The following BBS9 variants were observed in gnomAD, a reference collection of about 807,000 sequenced individuals.
The protein encoded by BBS9 is protein PTHB1.
Under a neutral mutation model 117.7 loss-of-function variants are expected in BBS9, and 89 were observed. The observed-to-expected ratio is 0.76, with a 90% confidence interval of 0.64 to 0.90. The LOEUF is 0.90. Among genes scored for constraint, BBS9 ranks in the 40% least tolerant of loss-of-function variants. The pLI is 0.00. For synonymous variants in BBS9, 379 were observed against 370.9 expected, an observed-to-expected ratio of 1.02 and a Z score of -0.25; for missense variants, 982 against 1,042.2, an observed-to-expected ratio of 0.94 and a Z score of 0.80.
intron 9 of BBS9, among the ~76,000 whole-genome samples, chr7:33,332,014 A>G (rs1433175620): frequency 6.6e-6 from 1 of 152,170 alleles, no homozygotes; most frequent in Non-Finnish European, 1.5e-5. Flanking sequence ...AAGCAAAAAG[A>G]ACAAATCTAG....
rs553199903 is a variant in BBS9 at position 33,139,192 on chromosome 7, C to T, written c.-11-7050C>T. On this transcript the variant is annotated intron_variant, in intron 1 of 22. Transcript: ENST00000242067. ...GCTTGAACCCAGGAAGTGGAGGTTG[C>T]GGTGAGCTGAGATTGTGCCATTGCA... Among the ~76,000 whole-genome samples the T allele has an allele frequency of 1.4e-3, 206 of 151,222 alleles. 2 individuals carry two copies. Among genetic ancestry groups the T allele is most frequent in the African/African-American group, 4.6e-3 (191 of 41,518 alleles).
At chr7:33,153,775 CT>C (rs1793703405) in intron 3 of BBS9, among the ~76,000 whole-genome samples, 1 of 152,140 alleles carries the variant, frequency 6.6e-6, no homozygotes, top group Non-Finnish European at 1.5e-5. Context: ...TGAGATGAGA[CT>C]TTTATGCTTT....
At chr7:33,618,882 GAA>G (rs904807822) in intron 21 of BBS9, among the ~76,000 whole-genome samples, 4 of 151,772 alleles carry the variant, frequency 2.6e-5, no homozygotes, top group African/African-American at 9.7e-5. Context: ...ACACAAAAGA[GAA>G]AGAGAAAGAA....
chr7:33,506,726 A>G (rs1005811578), intron 20 of BBS9, among the ~76,000 whole-genome samples: 1 of 152,158 alleles, frequency 6.6e-6, no homozygotes, highest in Admixed American at 6.5e-5. Context: ...TTTTTTTTAA[A>G]AAAGAAGCTA....
chr7:33,273,701 T>A, intron 8 of BBS9, 126 bp from the exon 9 acceptor site: 3 of 847,228 alleles, frequency 3.5e-6, no homozygotes, highest in Non-Finnish European at 5.5e-6. Context: ...TGTTTTATTA[T>A]GTAAAATCTT....
At chr7:33,405,509 C>T (rs1307156550) in intron 19 of BBS9, among the ~76,000 whole-genome samples, 5 of 152,138 alleles carry the variant, frequency 3.3e-5, no homozygotes, top group Admixed American at 1.3e-4. Context: ...TTGATTATTG[C>T]CACAATTTCA....
At chr7:33,165,211 T>C (rs185252127) in intron 4 of BBS9, among the ~76,000 whole-genome samples, 167 of 152,362 alleles carry the variant, frequency 1.1e-3, no homozygotes, top group African/African-American at 3.9e-3. Flanking sequence ...GTTAGTCTGA[T>C]GGGCTTCCCT....
chr7:33,242,367 C>T (rs1794675576), intron 5 of BBS9, among the ~76,000 whole-genome samples: 1 of 152,028 alleles, frequency 6.6e-6, no homozygotes, highest in Non-Finnish European at 1.5e-5. Context: ...TGAGGATCTA[C>T]TAGATTCTCC....
chr7:33,628,624 A>G (rs773191347), intron 21 of BBS9, among the ~76,000 whole-genome samples: 1 of 152,206 alleles, frequency 6.6e-6, no homozygotes, highest in Non-Finnish European at 1.5e-5. Context: ...AAGAGTGGGA[A>G]TCAGGAAAGA....
At chr7:33,604,321 C>G (rs993553399) in intron 21 of BBS9, among the ~76,000 whole-genome samples, 12 of 152,178 alleles carry the variant, frequency 7.9e-5, no homozygotes, top group Admixed American at 6.5e-4. Flanking sequence ...CAATGCAGTT[C>G]ATGACTTTGC....
At chr7:33,429,539 G>A (rs1037983215) in intron 19 of BBS9, among the ~76,000 whole-genome samples, 12 of 152,244 alleles carry the variant, frequency 7.9e-5, no homozygotes, top group African/African-American at 2.2e-4. Flanking sequence ...GGTGAAAATA[G>A]CATTGGTTTA....
chr7:33,363,937 T>A lies in BBS9; in HGVS notation c.1694-3830T>A, dbSNP rs1378465957. On this transcript the variant is annotated intron_variant, in intron 16 of 22. Coordinates refer to ENST00000242067, the MANE Select transcript of BBS9 (RefSeq NM_198428.3). Reference sequence around the variant, plus strand: ...ATTATCTTTTCACTATATTTTTATTTTTTTTTTTATTTTTTATTTTTTTTT... The same window carrying A: ...ATTATCTTTTCACTATATTTTTATTATTTTTTTTATTTTTTATTTTTTTTT... Among the ~76,000 whole-genome samples, 8 of 101,450 alleles carry A rather than the reference T, an allele frequency of 7.9e-5. 4 individuals carry two copies. The highest frequency in any genetic ancestry group is 3.2e-4 in the African/African-American group (8 of 24,900). 66.6% of individuals were successfully genotyped at this position (101,450 alleles called of 152,430 possible).
intron 5 of BBS9, among the ~76,000 whole-genome samples, chr7:33,234,310 C>G (rs1490291229): frequency 1.3e-5 from 2 of 151,856 alleles, no homozygotes; most frequent in African/African-American, 4.8e-5. Flanking sequence ...ATAGGGGAGA[C>G]TGCTATAATT....
chr7:33,459,037 A>G (rs911130095), intron 19 of BBS9, among the ~76,000 whole-genome samples: 1 of 152,056 alleles, frequency 6.6e-6, no homozygotes, highest in Non-Finnish European at 1.5e-5. Context: ...AGCAGTGGGA[A>G]TGAAGTTAGG....
At chr7:33,134,068 G>A (rs1219849193) in intron 1 of BBS9, among the ~76,000 whole-genome samples, 1 of 149,756 alleles carries the variant, frequency 6.7e-6, no homozygotes, top group Non-Finnish European at 1.5e-5. Context: ...TTTTTTTTTT[G>A]AAACGGAGTT....
At chr7:33,381,235 C>T (rs767426291) in intron 17 of BBS9, among the ~76,000 whole-genome samples, 3 of 152,122 alleles carry the variant, frequency 2.0e-5, no homozygotes, top group Non-Finnish European at 4.4e-5. Flanking sequence ...TATCTTCTTG[C>T]GGGGAGGTCC....
intron 21 of BBS9, among the ~76,000 whole-genome samples, chr7:33,618,370 C>T (rs1865246690): frequency 6.6e-6 from 1 of 151,588 alleles, no homozygotes; most frequent in Non-Finnish European, 1.5e-5. Flanking sequence ...AAGACATTAA[C>T]TGACAATATG....
At chr7:33,258,515 T>C (rs901624413) in intron 6 of BBS9, among the ~76,000 whole-genome samples, 5 of 150,716 alleles carry the variant, frequency 3.3e-5, no homozygotes, top group Admixed American at 1.3e-4. Flanking sequence ...TCATGTAATA[T>C]TCCTTCTGTA....
At chr7:33,495,567 T>C (rs1012766504) in intron 19 of BBS9, among the ~76,000 whole-genome samples, 2 of 152,226 alleles carry the variant, frequency 1.3e-5, no homozygotes, top group African/African-American at 4.8e-5. Context: ...AATAGCGATC[T>C]GTTCAATGAG....
Sources: gnomAD v4.1 joint callset for allele counts (sites outside exome capture counted in the v4.1 genomes callset) on GRCh38, gnomAD v4.1.1 for gene constraint, MANE v1.5 for transcripts, NCBI Gene and HGNC (gene_info 2026-07-23, HGNC 2026-07-21) for gene names.